ADRA1B: variants seen among roughly 807,000 people sequenced by gnomAD.
ADRA1B encodes the protein adrenoceptor alpha 1B.
ADRA1B carries 17 observed loss-of-function variants against 17.9 expected under a neutral mutation model. The ratio of observed to expected loss-of-function variants is 0.95; its 90% CI spans 0.65 to 1.42. The LOEUF (loss-of-function observed/expected upper bound fraction) is 1.42. Among genes scored for constraint, ADRA1B ranks in the 40% most tolerant of loss-of-function variants. The pLI, the probability that ADRA1B is intolerant of heterozygous loss-of-function variation, is 0.00. For missense variants in ADRA1B, 681 were observed against 722.1 expected, an observed-to-expected ratio of 0.94 and a Z score of 0.65; for synonymous variants, 366 against 327.6, an observed-to-expected ratio of 1.12 and a Z score of -1.27.
chr5:159,904,689 T>C (rs1754140050), intron 1 of ADRA1B, among the ~76,000 whole-genome samples: 1 of 152,250 alleles, frequency 6.6e-6, no homozygotes, highest in South Asian at 2.1e-4. Flanking sequence ...ATAGCACTTG[T>C]GATCATCAGT....
At chr5:159,975,556 A>G (rs1253366786), downstream of ADRA1B, among the ~76,000 whole-genome samples, 1 of 152,222 alleles carries the variant, frequency 6.6e-6, no homozygotes, top group Admixed American at 6.5e-5. Context: ...CACCAAAGGC[A>G]TTTCCTGAGC....
chr5:159,951,259 C>T, intron 1 of ADRA1B: 1 of 1,054,682 alleles, frequency 9.5e-7, no homozygotes, highest in Non-Finnish European at 1.5e-6. Context: ...TTGGAGGGAT[C>T]TTGCTCCTGG....
chr5:159,942,722 A>AT (rs1480748494), intron 1 of ADRA1B, among the ~76,000 whole-genome samples: 1 of 152,188 alleles, frequency 6.6e-6, no homozygotes, highest in East Asian at 1.9e-4. Context: ...GAAATGTTAC[A>AT]TTTTTTAAAT....
At position 159,917,314 on chromosome 5, in the gene ADRA1B, TGC is replaced by T; in HGVS notation, c.412_413del (p.Ala138HisfsTer54). 1 of 1,614,110 alleles carries T rather than the reference TGC, an allele frequency of 6.2e-7. No homozygotes were observed. Among genetic ancestry groups the T allele is most frequent in the Non-Finnish European group, 8.5e-7 (1 of 1,180,024 alleles). ...CTGCACAGCGTCCATTCTGAGCCTGTGCGCCATCTCCATCGATCGCTACATCG... is the reference window on the plus strand; with the variant it reads ...CTGCACAGCGTCCATTCTGAGCCTGTGCCATCTCCATCGATCGCTACATCG... ...LCCTASILSL[C>X]AISIDRYIGV... On this transcript the variant is annotated frameshift_variant, in exon 1 of 2. Transcript: ENST00000306675. LOFTEE classifies it high-confidence loss of function.
At chr5:159,867,888 T>C (rs1715284062) in intron 1 of ADRA1B, 3 of 152,208 alleles carry the variant, frequency 2.0e-5, no homozygotes, top group Admixed American at 2.0e-4. Context: ...CCGCAGGCTT[T>C]CTTCACCACA....
intron 1 of ADRA1B, among the ~76,000 whole-genome samples, chr5:159,878,594 T>C (rs1222256972): frequency 2.0e-5 from 3 of 152,194 alleles, no homozygotes; most frequent in African/African-American, 7.2e-5. Flanking sequence ...TCACCATCTT[T>C]AATCCTTACC....
At chr5:159,874,388 T>G (rs968587656) in intron 1 of ADRA1B, among the ~76,000 whole-genome samples, 2 of 152,338 alleles carry the variant, frequency 1.3e-5, no homozygotes, top group African/African-American at 4.8e-5. Flanking sequence ...CTACTGAAGC[T>G]CTGTAGAGCT....
Position 159,972,019 on chromosome 5 carries a change from G to C in ADRA1B, c.1090G>C (p.Gly364Arg), listed in dbSNP as rs773829274. Residue 364 changes from glycine to arginine, a missense_variant, in exon 2 of 2, where the codon GGG becomes CGG. Transcript: ENST00000306675. ...EFKRAFVRIL[G>R]CQCRGRGRRR... Reference sequence around the variant, plus strand: ...CAAGCGCGCTTTCGTGCGCATCCTCGGGTGCCAGTGCCGCGGCCGCGGCCG... The same window carrying C: ...CAAGCGCGCTTTCGTGCGCATCCTCCGGTGCCAGTGCCGCGGCCGCGGCCG... 8.9e-6 allele frequency: 13 copies of C among 1,460,128 alleles called. No homozygotes were observed. Among genetic ancestry groups the C allele is most frequent in the Non-Finnish European group, 1.1e-5 (12 of 1,099,680 alleles). The allele number at this position is 1,460,128 out of a possible 1,614,324, so 90.4% of individuals were successfully genotyped here.
intron 1 of ADRA1B, among the ~76,000 whole-genome samples, chr5:159,924,832 T>C (rs1754599172): frequency 6.6e-6 from 1 of 152,248 alleles, no homozygotes; most frequent in South Asian, 2.1e-4. Flanking sequence ...GCCGAATGTT[T>C]CTGCAGTCAC....
chr5:159,983,816 G>A, the ADRA1B span, among the ~76,000 whole-genome samples: 2 of 151,924 alleles, frequency 1.3e-5, no homozygotes, highest in African/African-American at 4.8e-5. Context: ...GACCCATGTT[G>A]GCTTCCAGTT....
chr5:159,909,070 T>C (rs1423970485), intron 1 of ADRA1B, among the ~76,000 whole-genome samples: 1 of 152,104 alleles, frequency 6.6e-6, no homozygotes, highest in Admixed American at 6.5e-5. Context: ...TTCCAAATCT[T>C]TTGGTTTGGT....
At chr5:159,882,088 G>T (rs946306645) in intron 1 of ADRA1B, among the ~76,000 whole-genome samples, 1 of 152,196 alleles carries the variant, frequency 6.6e-6, no homozygotes, top group East Asian at 1.9e-4. Context: ...CTCCCTGTGT[G>T]CATAAAGTTT....
At chr5:159,916,091 A>G (rs1213117148), upstream of ADRA1B, 6 of 152,286 alleles carry the variant, frequency 3.9e-5, no homozygotes, top group East Asian at 1.9e-4. Context: ...CACCTGCCCA[A>G]TCCTAGAATT....
chr5:159,925,519 G>A (rs534636613), intron 1 of ADRA1B, among the ~76,000 whole-genome samples: 12 of 152,236 alleles, frequency 7.9e-5, no homozygotes, highest in African/African-American at 2.2e-4. Context: ...ACCCACCTAC[G>A]TGTGGTGCCA....
At chr5:159,971,855 T>TGGGGGGGGGGGGGGGGGGGG in intron 1 of ADRA1B, 24 bp from the exon 2 acceptor site, 1 of 435,066 alleles carries the variant, frequency 2.3e-6, no homozygotes, top group Admixed American at 4.0e-5. Context: ...TTTCTGCCCG[T>TGGGGGGGGGGGGGGGGGGGG]GCCCACCCCC....
chr5:159,904,828 C>T (rs2113125292), intron 1 of ADRA1B, among the ~76,000 whole-genome samples: 1 of 152,354 alleles, frequency 6.6e-6, no homozygotes, highest in East Asian at 1.9e-4. Flanking sequence ...TTAATTCATC[C>T]TTGTATGAAC....
intron 1 of ADRA1B, among the ~76,000 whole-genome samples, chr5:159,953,524 C>A (rs1343641917): frequency 3.9e-5 from 6 of 152,184 alleles, no homozygotes; most frequent in African/African-American, 1.4e-4. Context: ...AGTCTCCAGT[C>A]TGTGGCAATC....
At position 159,926,016 on chromosome 5, in the gene ADRA1B, C is replaced by T. The variant is rs555650111; in HGVS notation, c.949+8162C>T. ...CTCTTTCTCCTCTACCTACTGTGGA[C>T]GTCTAAGCAGTGACCAACTCTCTGC... On this transcript the variant is annotated intron_variant, in intron 1 of 1. Coordinates refer to ENST00000306675, the MANE Select transcript of ADRA1B (RefSeq NM_000679.4). Among the ~76,000 whole-genome samples, 8 of 152,262 alleles carry T rather than the reference C, an allele frequency of 5.3e-5. 1 individual carries two copies. In the Middle Eastern group the frequency reaches 0.014, roughly 259 times the overall value.
At chr5:159,945,752 G>GTTT (rs70987985) in intron 1 of ADRA1B, among the ~76,000 whole-genome samples, 1 of 145,300 alleles carries the variant, frequency 6.9e-6, no homozygotes, top group Non-Finnish European at 1.5e-5. Flanking sequence ...TTGTTTGTTT[G>GTTT]TTTTTTTTTT....
Sources: allele counts gnomAD v4.1 joint callset (sites outside exome capture counted in the v4.1 genomes callset), GRCh38; gene constraint gnomAD v4.1.1; transcripts MANE v1.5; gene names NCBI Gene and HGNC (gene_info 2026-07-23, HGNC 2026-07-21).